Variants in ZNF207 observed in about 807,000 individuals in gnomAD.
The protein encoded by ZNF207 is BUB3-interacting and GLEBS motif-containing protein ZNF207.
A neutral mutation model predicts 60.2 loss-of-function variants in ZNF207; 24 were observed. The ratio of observed to expected loss-of-function variants is 0.40; its 90% CI spans 0.29 to 0.56. The LOEUF is 0.56. ZNF207 is among the 20% of genes least tolerant of loss of function. The pLI, the probability that ZNF207 is intolerant of heterozygous loss-of-function variation, is 0.49. For synonymous variants in ZNF207, 236 were observed against 194.7 expected (o/e 1.21, Z -1.77); for missense variants, 452 against 636.6 (o/e 0.71, Z 3.12).
Position 32,372,346 on chromosome 17 carries a change from G to T in ZNF207, c.*2587G>T, listed in dbSNP as rs1033311712. On this transcript the variant is annotated 3_prime_UTR_variant, in exon 12 of 12. Transcript: ENST00000394670. ...TAAATTTAGAATAATTAAGTAAGGGGTGCTCTCCCAAATTCTCAGGAATTT... is the reference window on the plus strand; with the variant it reads ...TAAATTTAGAATAATTAAGTAAGGGTTGCTCTCCCAAATTCTCAGGAATTT... 2 of 152,106 alleles carry T rather than the reference G, an allele frequency of 1.3e-5. No homozygotes were observed. The highest frequency in any genetic ancestry group is 2.9e-5 in the Non-Finnish European group (2 of 68,014). 9.4% of individuals were successfully genotyped at this position (152,106 alleles called of 1,614,324 possible).
rs1045351696 is a variant in ZNF207, at chr17:32,360,182, C to CG, written c.308-416_308-415insG. On this transcript the variant is annotated intron_variant, in intron 3 of 11. Coordinates refer to ENST00000394670, the MANE Select transcript of ZNF207 (RefSeq NM_001098507.2). Reference sequence around the variant, plus strand: ...AGTTCAAGACCTCACCTTTACCCCCCCCCCAAAAAAAAAAAAAAAAAGCCC... The same window carrying CG: ...AGTTCAAGACCTCACCTTTACCCCCCGCCCCAAAAAAAAAAAAAAAAAGCCC... Among the ~76,000 whole-genome samples, 4 of 110,514 alleles carry CG rather than the reference C, an allele frequency of 3.6e-5. No homozygotes were observed. The South Asian group carries it at 8.4e-4, about 23-fold the overall frequency. 72.5% of individuals were successfully genotyped at this position (110,514 alleles called of 152,430 possible).
chr17:32,379,311 A>G lies in ZNF207; in HGVS notation c.*9552A>G, dbSNP rs1477559226. The G allele has an allele frequency of 6.6e-6, 1 of 152,096 alleles. No individual in the cohort carries two copies. The highest frequency in any genetic ancestry group is 1.5e-5 in the Non-Finnish European group (1 of 67,952). 9.4% of individuals were successfully genotyped at this position (152,096 alleles called of 1,614,324 possible). ...AGAGGTGAGCACTCTGAATTTCTACATCTTTGGATATTACTTGAATCAAGA... is the reference window on the plus strand; with the variant it reads ...AGAGGTGAGCACTCTGAATTTCTACGTCTTTGGATATTACTTGAATCAAGA... On this transcript the variant is annotated 3_prime_UTR_variant, in exon 12 of 12. Coordinates refer to ENST00000394670, the MANE Select transcript of ZNF207 (RefSeq NM_001098507.2).
At chr17:32,354,654 C>G (rs1904398047) in intron 2 of ZNF207, among the ~76,000 whole-genome samples, 1 of 151,150 alleles carries the variant, frequency 6.6e-6, no homozygotes, top group Non-Finnish European at 1.5e-5. Context: ...TCTCTTTCGT[C>G]CAGGCTGGAG....
chr17:32,350,189 G>C lies in ZNF207; in HGVS notation c.-97G>C, dbSNP rs750118944. 6.4e-7 allele frequency: 1 copy of C among 1,561,118 alleles called. No individual in the cohort carries two copies. Among genetic ancestry groups the C allele is most frequent in the Non-Finnish European group, 8.8e-7 (1 of 1,133,386 alleles). ...ATTTTGTGTCTGCTTCCTGTGGGAC[G>C]TGGTGGTAGCCGTTGGGTTGGGAAA... is the stretch of plus-strand genomic sequence containing the variant. On this transcript the variant is annotated 5_prime_UTR_variant, in exon 1 of 12. Coordinates refer to ENST00000394670, the MANE Select transcript of ZNF207 (RefSeq NM_001098507.2).
At chr17:32,362,162 G>A (rs66960710) in intron 6 of ZNF207, among the ~76,000 whole-genome samples, 6,150 of 149,400 alleles carry the variant, frequency 0.041, 153 homozygotes, top group Non-Finnish European at 0.063. Flanking sequence ...GTGTGTATAT[G>A]TATGTATTTG....
chr17:32,374,709 T>TA lies in ZNF207; in HGVS notation c.*4951dup, dbSNP rs1322980105. On this transcript the variant is annotated 3_prime_UTR_variant, in exon 12 of 12. Transcript: ENST00000394670. ...GTGGGGGTATAGACCATATAGTTGA[T>TA]ATAACAACAGAATTTGGGTGTTACA... 2 of 152,222 alleles carry TA rather than the reference T, an allele frequency of 1.3e-5. No individual in the cohort carries two copies. Among genetic ancestry groups the TA allele is most frequent in the African/African-American group, 2.4e-5 (1 of 41,460 alleles). 9.4% of individuals were successfully genotyped at this position (152,222 alleles called of 1,614,324 possible).
chr17:32,377,607 G>T lies in ZNF207; in HGVS notation c.*7848G>T, dbSNP rs1435934335. On this transcript the variant is annotated 3_prime_UTR_variant, in exon 12 of 12. Transcript: ENST00000394670. Reference sequence around the variant, plus strand: ...TCTTTGGGGGTATGTCTACATATTCGTTTAAATTTAGAAATTCCCACATGT... The same window carrying T: ...TCTTTGGGGGTATGTCTACATATTCTTTTAAATTTAGAAATTCCCACATGT... The T allele has an allele frequency of 6.6e-6, 1 of 151,774 alleles. No individual in the cohort carries two copies. Among genetic ancestry groups the T allele is most frequent in the Non-Finnish European group, 1.5e-5 (1 of 67,822 alleles). 9.4% of individuals were successfully genotyped at this position (151,774 alleles called of 1,614,324 possible).
intron 6 of ZNF207, among the ~76,000 whole-genome samples, chr17:32,362,571 T>C (rs1402541254): frequency 6.6e-6 from 1 of 152,242 alleles, no homozygotes; most frequent in East Asian, 1.9e-4. Flanking sequence ...ACTCTGTGGA[T>C]ATTTTCCAAG....
rs1251903577 is a variant in ZNF207 at position 32,371,054 on chromosome 17, G to C, written c.*1295G>C. The stretch of plus-strand genomic sequence containing the variant: ...TGTTCTTACAGAGAGCTTTTCTGTA[G>C]AGATGACTGCTATTCAATATTTTGT... On this transcript the variant is annotated 3_prime_UTR_variant, in exon 12 of 12. Transcript: ENST00000394670. 1 of 152,160 alleles carries C rather than the reference G, an allele frequency of 6.6e-6. No individual in the cohort carries two copies. Among genetic ancestry groups the C allele is most frequent in the Non-Finnish European group, 1.5e-5 (1 of 68,026 alleles). The allele number at this position is 152,160 out of a possible 1,614,324, so 9.4% of individuals were successfully genotyped here. A position where few individuals can be genotyped will look rare whatever the true frequency, so the allele number is the denominator to read the frequency against.
At chr17:32,366,004 A>G (rs1905145984) in intron 8 of ZNF207, among the ~76,000 whole-genome samples, 1 of 152,184 alleles carries the variant, frequency 6.6e-6, no homozygotes, top group African/African-American at 2.4e-5. Flanking sequence ...AGCTTTTAAA[A>G]GTCTTTTTTC....
chr17:32,371,802 T>G lies in ZNF207; in HGVS notation c.*2043T>G, dbSNP rs577354762. ...TCCTGTGCTTGTGGTACCATAGTGG[T>G]ACAAAAATTTTCATAGTTTGAAAAT... On this transcript the variant is annotated 3_prime_UTR_variant, in exon 12 of 12. Coordinates refer to ENST00000394670, the MANE Select transcript of ZNF207 (RefSeq NM_001098507.2). The G allele has an allele frequency of 6.6e-6, 1 of 152,334 alleles. No individual in the cohort carries two copies. The highest frequency in any genetic ancestry group is 2.1e-4 in the South Asian group (1 of 4,822). 9.4% of individuals were successfully genotyped at this position (152,334 alleles called of 1,614,324 possible). A position where few individuals can be genotyped will look rare whatever the true frequency, so the allele number is the denominator to read the frequency against.
rs1597797978 is a variant in ZNF207 at position 32,372,152 on chromosome 17, T to A, written c.*2393T>A. On this transcript the variant is annotated 3_prime_UTR_variant, in exon 12 of 12. Transcript: ENST00000394670. ...CGTTTCTACTAAAAATACAAAAAAT[T>A]AGCTGGGCGTAGTTGCGGATGCCTG... The A allele has an allele frequency of 6.6e-6, 1 of 152,114 alleles. No individual in the cohort carries two copies. The highest frequency in any genetic ancestry group is 2.4e-5 in the African/African-American group (1 of 41,368). The allele number at this position is 152,114 out of a possible 1,614,324, so 9.4% of individuals were successfully genotyped here. A position where few individuals can be genotyped will look rare whatever the true frequency, so the allele number is the denominator to read the frequency against.
intron 2 of ZNF207, among the ~76,000 whole-genome samples, chr17:32,352,705 TTTG>T (rs2041529684): frequency 6.6e-6 from 1 of 152,182 alleles, no homozygotes; most frequent in African/African-American, 2.4e-5. Context: ...ACTTTTTGCT[TTTG>T]TTTTTAAGAG....
chr17:32,366,824 TAAA>T (rs796960991), intron 9 of ZNF207, 67 bp downstream of exon 9: 1 of 1,375,564 alleles, frequency 7.3e-7, no homozygotes, highest in East Asian at 2.6e-5. Flanking sequence ...GGACCCTACT[TAAA>T]AAATGAATAT....
Position 32,369,535 on chromosome 17 carries a change from G to A in ZNF207, c.1325-64G>A, listed in dbSNP as rs544977450. The A allele has an allele frequency of 1.6e-4, 250 of 1,589,810 alleles. 1 individual carries two copies. Among genetic ancestry groups the A allele is most frequent in the South Asian group, 1.2e-3 (110 of 88,288 alleles). Reference sequence around the variant, plus strand: ...AATATTAAATTTATCTGCAGCATACGTTGCACTTAAAAGTACAATGCGTTA... The same window carrying A: ...AATATTAAATTTATCTGCAGCATACATTGCACTTAAAAGTACAATGCGTTA... On this transcript the variant is annotated intron_variant, in intron 11 of 11. Transcript: ENST00000394670.
chr17:32,364,151 T>A lies in ZNF207; in HGVS notation c.670+1167T>A, dbSNP rs74251410. Among the ~76,000 whole-genome samples the A allele has an allele frequency of 6.6e-5, 10 of 150,414 alleles. No individual in the cohort carries two copies. In the East Asian group the frequency reaches 1.8e-3, roughly 27 times the overall value. On this transcript the variant is annotated intron_variant, in intron 7 of 11. Coordinates refer to ENST00000394670, the MANE Select transcript of ZNF207 (RefSeq NM_001098507.2). ...AAAGTGCTGGGATTACAGGTGTGAG[T>A]GAGCCTCAGCACCTGGCCTCCTTTT...
At chr17:32,351,392 C>T (rs1011230285) in intron 1 of ZNF207, 5 of 1,169,020 alleles carry the variant, frequency 4.3e-6, no homozygotes, top group Non-Finnish European at 5.4e-6. Context: ...TTGCTATCGT[C>T]TTCATATCTA....
At chr17:32,364,505 G>A (rs1157790437) in intron 7 of ZNF207, among the ~76,000 whole-genome samples, 2 of 151,824 alleles carry the variant, frequency 1.3e-5, no homozygotes, top group Admixed American at 6.6e-5. Context: ...GATTACAGGA[G>A]TGTGCCACCC....
In ZNF207 at chr17:32,380,884, G is replaced by C. The variant is rs1047191469; in HGVS notation, c.*11125G>C. On this transcript the variant is annotated 3_prime_UTR_variant, in exon 12 of 12. Transcript: ENST00000394670. ...AGGCAGGAAAATCGCTTGAACCCAG[G>C]GGGAGGAGGTTGCAGTGAGCCGAGA... The C allele has an allele frequency of 2.8e-4, 42 of 152,124 alleles. No homozygotes were observed. The highest frequency in any genetic ancestry group is 9.9e-4 in the African/African-American group (41 of 41,402). The allele number at this position is 152,124 out of a possible 1,614,324, so 9.4% of individuals were successfully genotyped here. A position where few individuals can be genotyped will look rare whatever the true frequency, so the allele number is the denominator to read the frequency against.
Sources: allele counts gnomAD v4.1 joint callset (sites outside exome capture counted in the v4.1 genomes callset), GRCh38; gene constraint gnomAD v4.1.1; transcripts MANE v1.5; gene names NCBI Gene and HGNC (gene_info 2026-07-23, HGNC 2026-07-21).